Variants in DOCK1 observed in about 807,000 individuals in gnomAD.
DOCK1 encodes the protein dedicator of cytokinesis 1.
In DOCK1, 138 loss-of-function variants were observed where a neutral mutation model predicts 262.7. The observed-to-expected ratio is 0.53, with a 90% CI of 0.46 to 0.61. DOCK1 has a LOEUF of 0.61. Ranked by LOEUF, DOCK1 falls within the 20% of genes least tolerant of loss-of-function variation. The pLI, the probability that DOCK1 is intolerant of heterozygous loss-of-function variation, is 0.00. For synonymous variants in DOCK1, 866 were observed against 867.4 expected (o/e 1.00, Z 0.03); for missense variants, 1,908 against 2,370.7 (o/e 0.80, Z 4.05).
chr10:127,278,407 G>T (rs1444410318), intron 29 of DOCK1, among the ~76,000 whole-genome samples: 1 of 152,066 alleles, frequency 6.6e-6, no homozygotes, highest in Non-Finnish European at 1.5e-5. Flanking sequence ...GTTTTATTAA[G>T]ATCTGAGGGG....
At chr10:127,117,765 A>G (rs1265631802) in intron 25 of DOCK1, among the ~76,000 whole-genome samples, 1 of 152,170 alleles carries the variant, frequency 6.6e-6, no homozygotes, top group Non-Finnish European at 1.5e-5. Flanking sequence ...AGTCATGTGC[A>G]CACTGGGCAC....
chr10:126,934,747 G>GTTGTTTTTTT (rs2034440851), intron 1 of DOCK1, among the ~76,000 whole-genome samples: 1 of 107,448 alleles, frequency 9.3e-6, no homozygotes, highest in African/African-American at 4.1e-5. Flanking sequence ...GAATTTACGA[G>GTTGTTTTTTT]TTTTTTTTTT....
chr10:127,067,557 T>G (rs2045952790), intron 23 of DOCK1, among the ~76,000 whole-genome samples: 1 of 152,034 alleles, frequency 6.6e-6, no homozygotes, highest in South Asian at 2.1e-4. Context: ...GTTGTGCATA[T>G]GAAGCTGGAA....
At chr10:127,337,407 T>A (rs544271795) in intron 29 of DOCK1, among the ~76,000 whole-genome samples, 2 of 152,350 alleles carry the variant, frequency 1.3e-5, no homozygotes, top group East Asian at 3.9e-4. Context: ...GCAAAGCATG[T>A]CCTGAATTTT....
At position 127,176,344 on chromosome 10, in the gene DOCK1, C is replaced by T. The variant is rs138559550; in HGVS notation, c.2847+48580C>T. ...AGGGCCAGGCAGGCGGCGGGTTCCACTTCACTCTCCGACGTTGTGAGTATG... is the reference window on the plus strand; with the variant it reads ...AGGGCCAGGCAGGCGGCGGGTTCCATTTCACTCTCCGACGTTGTGAGTATG... On this transcript the variant is annotated intron_variant, in intron 27 of 51. Transcript: ENST00000623213. The surrounding 1 kb of genome is among the most constrained non-coding windows in gnomAD (Gnocchi z 4.4). 4 of 1,613,770 alleles carry T rather than the reference C, an allele frequency of 2.5e-6. No homozygotes were observed. Among genetic ancestry groups the T allele is most frequent in the Non-Finnish European group, 3.4e-6 (4 of 1,179,942 alleles).
chr10:126,956,093 C>G (rs1308681636), intron 1 of DOCK1, among the ~76,000 whole-genome samples: 2 of 152,158 alleles, frequency 1.3e-5, no homozygotes, highest in African/African-American at 4.8e-5. Flanking sequence ...TGGAAATGCC[C>G]GCGTCTCTGC....
rs150985370 is a variant in DOCK1, at chr10:127,343,400, A to T, written c.3124-246A>T. 2.0e-3 allele frequency among the ~76,000 whole-genome samples: 307 copies of T among 152,208 alleles called. 3 individuals carry two copies. The highest frequency in any genetic ancestry group is 7.3e-3 in the African/African-American group (302 of 41,526). Reference sequence around the variant, plus strand: ...TCCATGAGGAAACTGAGGCAGAGAGAGGTTAGAGTCTGAGTAAATGGCAGA... The same window carrying T: ...TCCATGAGGAAACTGAGGCAGAGAGTGGTTAGAGTCTGAGTAAATGGCAGA... On this transcript the variant is annotated intron_variant, in intron 30 of 51. Transcript: ENST00000623213.
chr10:127,344,997 T>A (rs191492313), intron 31 of DOCK1, among the ~76,000 whole-genome samples: 1 of 152,372 alleles, frequency 6.6e-6, no homozygotes, highest in Admixed American at 6.5e-5. Flanking sequence ...TACATTTGCC[T>A]GTGGTATTTA....
chr10:127,174,321 C>T (rs187902854), intron 27 of DOCK1, among the ~76,000 whole-genome samples: 14 of 152,230 alleles, frequency 9.2e-5, no homozygotes, highest in East Asian at 5.8e-4. Flanking sequence ...AGAGAGGTCT[C>T]GGCAATCCAG....
At chr10:127,278,874 G>GATAGGGGCAAA (rs1264522202) in intron 29 of DOCK1, among the ~76,000 whole-genome samples, 31 of 152,312 alleles carry the variant, frequency 2.0e-4, no homozygotes, top group Non-Finnish European at 4.1e-4. Context: ...CTTACAAGGT[G>GATAGGGGCAAA]ATAGGGGCAA....
chr10:127,383,695 CCCGTTGCCCG>C (rs2065944620), intron 37 of DOCK1, among the ~76,000 whole-genome samples: 1 of 152,158 alleles, frequency 6.6e-6, no homozygotes, highest in Non-Finnish European at 1.5e-5. Context: ...GGAGCCTTGC[CCCGTTGCCCG>C]GACCCCAGCT....
rs192276625 is a variant in DOCK1, at chr10:127,321,423, C to G, written c.3045-17583C>G. Among the ~76,000 whole-genome samples, 30 of 148,010 alleles carry G rather than the reference C, an allele frequency of 2.0e-4. No individual in the cohort carries two copies. In the East Asian group the frequency reaches 5.6e-3, roughly 27 times the overall value. On this transcript the variant is annotated intron_variant, in intron 29 of 51. Transcript: ENST00000623213. The stretch of plus-strand genomic sequence containing the variant: ...GCATTCTCCAAGGCTCTTTTCTCAG[C>G]CTTCTTTTTTAGGTTCTTATTCTAA...
At position 127,130,065 on chromosome 10, in the gene DOCK1, CTTTTTTTTTTTTTT is replaced by C. The variant is rs74721427; in HGVS notation, c.2847+2319_2847+2332del. On this transcript the variant is annotated intron_variant, in intron 27 of 51. Transcript: ENST00000623213. ...CAATCCTGCCTCCAGTTAGGGTCTTCTTTTTTTTTTTTTTTTTTTTTTTTTTTTTTTCCCCTGAG... is the reference window on the plus strand; with the variant it reads ...CAATCCTGCCTCCAGTTAGGGTCTTCTTTTTTTTTTTTTTTTTCCCCTGAG... Among the ~76,000 whole-genome samples the C allele has an allele frequency of 1.8e-3, 213 of 117,524 alleles. 2 individuals are homozygous for C. Among genetic ancestry groups the C allele is most frequent in the African/African-American group, 3.9e-3 (100 of 25,382 alleles). The allele number at this position is 117,524 out of a possible 152,430, so 77.1% of individuals were successfully genotyped here.
chr10:126,909,724 G>A (rs754621907), intron 1 of DOCK1, among the ~76,000 whole-genome samples: 3 of 152,182 alleles, frequency 2.0e-5, no homozygotes, highest in Non-Finnish European at 4.4e-5. Flanking sequence ...CTGCCGAGTC[G>A]TGAGGACTCG....
At chr10:127,216,504 A>G (rs1175214938) in intron 27 of DOCK1, among the ~76,000 whole-genome samples, 1 of 152,096 alleles carries the variant, frequency 6.6e-6, no homozygotes, top group Non-Finnish European at 1.5e-5. Context: ...CTCCGCCCCA[A>G]GAGTGTTCTT....
chr10:127,125,338 A>G (rs896226091), intron 25 of DOCK1, 136 bp from the exon 26 acceptor site: 4 of 1,169,422 alleles, frequency 3.4e-6, no homozygotes, highest in Non-Finnish European at 3.6e-6. Context: ...CAAGTAATTG[A>G]CCCCCCTCCA....
At chr10:127,213,965 A>G (rs779332132) in intron 27 of DOCK1, among the ~76,000 whole-genome samples, 49 of 152,168 alleles carry the variant, frequency 3.2e-4, no homozygotes, top group Non-Finnish European at 5.4e-4. Flanking sequence ...TCAGCCTCTC[A>G]AGTAGCTGGG....
At chr10:127,071,853 C>G (rs2046251218) in intron 23 of DOCK1, among the ~76,000 whole-genome samples, 1 of 152,062 alleles carries the variant, frequency 6.6e-6, no homozygotes, top group African/African-American at 2.4e-5. Flanking sequence ...ATGTTGATTC[C>G]TTCACATTGC....
intron 1 of DOCK1, among the ~76,000 whole-genome samples, chr10:126,949,050 G>C (rs1178243670): frequency 6.6e-6 from 1 of 152,072 alleles, no homozygotes; most frequent in Non-Finnish European, 1.5e-5. Context: ...GCCACCCTTC[G>C]GGATCCTGGC....
Sources: gnomAD v4.1 joint callset for allele counts (sites outside exome capture counted in the v4.1 genomes callset) on GRCh38, gnomAD v4.1.1 for gene constraint, Gnocchi (gnomAD v3.1) non-coding constraint, MANE v1.5 for transcripts, NCBI Gene and HGNC (gene_info 2026-07-23, HGNC 2026-07-21) for gene names.